Variants in CNTRL observed in about 807,000 individuals in gnomAD.
CNTRL encodes the protein 110 kDa centrosomal protein.
CNTRL carries 233 observed loss-of-function variants against 303.7 expected under a neutral mutation model. The observed-to-expected ratio is 0.77, with a 90% CI of 0.69 to 0.86. The LOEUF is 0.86. CNTRL is among the 40% of genes least tolerant of loss of function. CNTRL has a pLI of 0.00. For missense variants in CNTRL, 2,524 were observed against 2,650.6 expected, an observed-to-expected ratio of 0.95 and a Z score of 1.05; for synonymous variants, 900 against 922.2, an observed-to-expected ratio of 0.98 and a Z score of 0.44.
At chr9:121,170,082 C>T (rs2053243427) in intron 39 of CNTRL, among the ~76,000 whole-genome samples, 1 of 152,154 alleles carries the variant, frequency 6.6e-6, no homozygotes, top group African/African-American at 2.4e-5. Flanking sequence ...ACAGCATGTT[C>T]TGCCAGCAAG....
intron 14 of CNTRL, 47 bp downstream of exon 14, chr9:121,125,983 A>C (rs750220819): frequency 1.3e-6 from 2 of 1,498,810 alleles, no homozygotes; most frequent in South Asian, 2.3e-5. Flanking sequence ...TAAGTAGATA[A>C]TGTCCAAATT....
chr9:121,095,043 G>T, intron 5 of CNTRL, 25 bp downstream of exon 5: 1 of 1,562,518 alleles, frequency 6.4e-7, no homozygotes. Flanking sequence ...AAAATCTTTA[G>T]GCAGCATTGC....
intron 43 of CNTRL, among the ~76,000 whole-genome samples, chr9:121,176,672 C>T (rs764475386): frequency 1.3e-5 from 2 of 151,982 alleles, no homozygotes; most frequent in African/African-American, 2.4e-5. Flanking sequence ...TGGGTAGGGG[C>T]GAGATTGGTA....
chr9:121,139,296 G>A (rs1023698544), intron 16 of CNTRL, among the ~76,000 whole-genome samples: 1 of 152,140 alleles, frequency 6.6e-6, no homozygotes, highest in African/African-American at 2.4e-5. Flanking sequence ...GAACAAACAA[G>A]TACCTGAATC....
rs2053286704 is a variant in CNTRL at position 121,171,181 on chromosome 9, G to A, written c.6277-227G>A. The A allele has an allele frequency of 5.0e-6, 3 of 602,452 alleles. No homozygotes were observed. The Admixed American group carries it at 6.6e-5, about 13-fold the overall frequency. The allele number at this position is 602,452 out of a possible 1,614,324, so 37.3% of individuals were successfully genotyped here. A position where few individuals can be genotyped will look rare whatever the true frequency, so the allele number is the denominator to read the frequency against. ...CAGACAATTAATGAAGACTCAGAAA[G>A]GGATAGTAGCTTATTATCAAAGGTA... On this transcript the variant is annotated intron_variant, in intron 39 of 43. Transcript: ENST00000373855.
intron 14 of CNTRL, 83 bp downstream of exon 14, chr9:121,126,019 C>G: frequency 1.7e-6 from 2 of 1,157,256 alleles, no homozygotes; most frequent in Non-Finnish European, 2.5e-6. Flanking sequence ...GGTAACAGTA[C>G]ATTTTTAAGT....
chr9:121,177,410 G>T lies in CNTRL; in HGVS notation c.*224G>T. 2 of 410,150 alleles carry T rather than the reference G, an allele frequency of 4.9e-6. No homozygotes were observed. The highest frequency in any genetic ancestry group is 8.4e-6 in the Non-Finnish European group (2 of 237,092). The allele number at this position is 410,150 out of a possible 1,614,324, so 25.4% of individuals were successfully genotyped here. A position where few individuals can be genotyped will look rare whatever the true frequency, so the allele number is the denominator to read the frequency against. On this transcript the variant is annotated 3_prime_UTR_variant, in exon 44 of 44. Coordinates refer to ENST00000373855, the MANE Select transcript of CNTRL (RefSeq NM_007018.6). ...TGCATATGGGAATTTAAACCAACATGTGGCTGAGCCTTTTTTTTTTTAATC... is the reference window on the plus strand; with the variant it reads ...TGCATATGGGAATTTAAACCAACATTTGGCTGAGCCTTTTTTTTTTTAATC...
intron 7 of CNTRL, among the ~76,000 whole-genome samples, chr9:121,100,479 G>T (rs887037961): frequency 1.3e-5 from 2 of 152,172 alleles, no homozygotes; most frequent in African/African-American, 4.8e-5. Flanking sequence ...GACCATCAAT[G>T]CAAGGAAGAA....
At chr9:121,101,189 T>C (rs1015150973) in intron 7 of CNTRL, among the ~76,000 whole-genome samples, 1 of 152,160 alleles carries the variant, frequency 6.6e-6, no homozygotes, top group East Asian at 1.9e-4. Context: ...ACAGAAATTA[T>C]AACAAACTGT....
chr9:121,094,662 A>T (rs1347987601), intron 4 of CNTRL, among the ~76,000 whole-genome samples: 1 of 152,188 alleles, frequency 6.6e-6, no homozygotes, highest in Non-Finnish European at 1.5e-5. Context: ...TTCTTAGTAT[A>T]TAGACAATGT....
intron 7 of CNTRL, among the ~76,000 whole-genome samples, chr9:121,100,922 G>T (rs984054983): frequency 1.6e-4 from 25 of 152,276 alleles, no homozygotes; most frequent in Admixed American, 5.9e-4. Flanking sequence ...AGTCCTTAGA[G>T]ACCTACAAAG....
intron 20 of CNTRL, 82 bp from the exon 21 acceptor site, chr9:121,144,761 A>G: frequency 9.3e-7 from 1 of 1,077,172 alleles, no homozygotes; most frequent in Non-Finnish European, 1.4e-6. Context: ...TGATGAAAGC[A>G]GAAGAATCAA....
At position 121,133,929 on chromosome 9, in the gene CNTRL, G is replaced by A. The variant is rs562433712; in HGVS notation, c.2026-1877G>A. Among the ~76,000 whole-genome samples the A allele has an allele frequency of 1.2e-4, 19 of 152,182 alleles. No homozygotes were observed. In the South Asian group the frequency reaches 3.9e-3, roughly 32 times the overall value. On this transcript the variant is annotated intron_variant, in intron 14 of 43. Transcript: ENST00000373855. ...AAGGACATTTTCTAACATAAACACA[G>A]AATAATTATCAAATTTAGGAAATTC...
In CNTRL at chr9:121,159,999, G is replaced by A. The variant is rs74355287; in HGVS notation, c.4930-144G>A. 9.1e-3 allele frequency: 4,231 copies of A among 466,626 alleles called. 154 individuals are homozygous for A. Among genetic ancestry groups the A allele is most frequent in the African/African-American group, 0.078 (3,816 of 49,172 alleles). The allele number at this position is 466,626 out of a possible 1,614,324, so 28.9% of individuals were successfully genotyped here. The stretch of plus-strand genomic sequence containing the variant: ...GAAATAGGTTTCTGTAAAATATAAT[G>A]CTGTTCTTGACATAAAAGGCAAAAA... On this transcript the variant is annotated intron_variant, in intron 31 of 43. Transcript: ENST00000373855.
At chr9:121,175,991 C>T (rs929656210) in intron 43 of CNTRL, among the ~76,000 whole-genome samples, 21 of 152,130 alleles carry the variant, frequency 1.4e-4, no homozygotes, top group African/African-American at 5.1e-4. Flanking sequence ...TCTGTGTGAG[C>T]TTAGATAAGG....
chr9:121,119,708 C>T (rs2050146608), intron 12 of CNTRL, among the ~76,000 whole-genome samples: 1 of 151,382 alleles, frequency 6.6e-6, no homozygotes, highest in Non-Finnish European at 1.5e-5. Context: ...GTTGCTCAGG[C>T]TGGTCTCAAA....
chr9:121,145,226 T>C lies in CNTRL; in HGVS notation c.3169-18T>C, dbSNP rs772520468. ...ATGAATTCATTGGCAACTTTGTATG[T>C]GTAATTTTTTTAAATAGTTTCGACT... On this transcript the variant is annotated intron_variant, in intron 21 of 43. Coordinates refer to ENST00000373855, the MANE Select transcript of CNTRL (RefSeq NM_007018.6). The C allele has an allele frequency of 1.3e-6, 2 of 1,598,124 alleles. No individual in the cohort carries two copies. Among genetic ancestry groups the C allele is most frequent in the Admixed American group, 1.8e-5 (1 of 55,384 alleles).
At chr9:121,125,172 T>C (rs565690177) in intron 13 of CNTRL, among the ~76,000 whole-genome samples, 1 of 147,626 alleles carries the variant, frequency 6.8e-6, no homozygotes, top group East Asian at 2.1e-4. Flanking sequence ...AAATTAAACT[T>C]TTTTTTTTTT....
Position 121,118,341 on chromosome 9 carries a change from A to G in CNTRL, c.1456-5A>G, listed in dbSNP as rs79615581. The G allele has an allele frequency of 1.1e-3, 1,668 of 1,574,530 alleles. 24 individuals are homozygous for G. The East Asian group carries it at 0.03, about 28-fold the overall frequency. On this transcript the variant is annotated splice_polypyrimidine_tract_variant and splice_region_variant and intron_variant, in intron 11 of 43. Coordinates refer to ENST00000373855, the MANE Select transcript of CNTRL (RefSeq NM_007018.6). ...TAATTATATATTGGGGTTTGGGGAG[A>G]TTAGATTTCAGAAGCAGGGAAAGAC...
Sources: gnomAD v4.1 joint callset for allele counts (sites outside exome capture counted in the v4.1 genomes callset) on GRCh38, gnomAD v4.1.1 for gene constraint, MANE v1.5 for transcripts, NCBI Gene and HGNC (gene_info 2026-07-23, HGNC 2026-07-21) for gene names.